The following EPHA4 variants were observed in gnomAD, a reference collection of about 807,000 sequenced individuals.
The protein encoded by EPHA4 is ephrin type-A receptor 4.
Under a neutral mutation model 108.3 loss-of-function variants are expected in EPHA4, and 19 were observed. The observed-to-expected ratio is 0.18, with a 90% confidence interval of 0.12 to 0.26. EPHA4 has a LOEUF of 0.26. EPHA4 is among the 10% of genes least tolerant of loss of function. The pLI is 1.00. For synonymous variants in EPHA4, 449 were observed against 455.5 expected (o/e 0.99, Z 0.18); for missense variants, 917 against 1,254.0 (o/e 0.73, Z 4.06).
Position 221,431,815 on chromosome 2 carries a change from A to T in EPHA4, c.2497-1664T>A, listed in dbSNP as rs375720902. Among the ~76,000 whole-genome samples, 7 of 152,336 alleles carry T rather than the reference A, an allele frequency of 4.6e-5. No homozygotes were observed. In the South Asian group the frequency reaches 1.0e-3, roughly 23 times the overall value. ...TTGGAAGATGGCTCATAGGTTAGCA[A>T]AGCATATTTTCTCAGTTTACTACTA... On this transcript the variant is annotated intron_variant, in intron 14 of 17. Transcript: ENST00000281821.
At chr2:221,500,894 G>A (rs1422273761) in intron 4 of EPHA4, 123 bp downstream of exon 4, 11 of 1,085,260 alleles carry the variant, frequency 1.0e-5, no homozygotes, top group Non-Finnish European at 1.4e-5. Flanking sequence ...ATTGAGAAAG[G>A]ATGAATGTTT....
chr2:221,539,299 T>C (rs1219622530), intron 3 of EPHA4, among the ~76,000 whole-genome samples: 1 of 152,152 alleles, frequency 6.6e-6, no homozygotes, highest in Non-Finnish European at 1.5e-5. Flanking sequence ...CAGAGAAAAA[T>C]TATTAATTTG....
At chr2:221,450,445 A>AG (rs1332430558) in intron 8 of EPHA4, among the ~76,000 whole-genome samples, 1 of 152,216 alleles carries the variant, frequency 6.6e-6, no homozygotes, top group Non-Finnish European at 1.5e-5. Context: ...CATCACTAGC[A>AG]GAGTCTTGAA....
At chr2:221,495,194 G>A (rs1221668203) in intron 4 of EPHA4, among the ~76,000 whole-genome samples, 1 of 152,170 alleles carries the variant, frequency 6.6e-6, no homozygotes, top group Non-Finnish European at 1.5e-5. Context: ...ACCCAGGCTG[G>A]ATTTTCTTCA....
chr2:221,554,274 A>C (rs1279344374), intron 3 of EPHA4, among the ~76,000 whole-genome samples: 1 of 152,226 alleles, frequency 6.6e-6, no homozygotes, highest in Non-Finnish European at 1.5e-5. Context: ...GCTCTTCCAC[A>C]TTTAGATGTT....
At chr2:221,572,912 G>A (rs7609106), upstream of EPHA4, 11,793 of 152,468 alleles carry the variant, frequency 0.077, 1,493 homozygotes, top group African/African-American at 0.27. Flanking sequence ...TGGCTCCCCA[G>A]ATGCCTGGAG....
At chr2:221,536,170 C>T (rs1037931588) in intron 3 of EPHA4, among the ~76,000 whole-genome samples, 4 of 152,150 alleles carry the variant, frequency 2.6e-5, no homozygotes, top group Non-Finnish European at 5.9e-5. Flanking sequence ...TAAGAGCTAC[C>T]GGGCACCCTG....
At chr2:221,522,754 T>C (rs1164329283) in intron 3 of EPHA4, among the ~76,000 whole-genome samples, 2 of 32,326 alleles carry the variant, frequency 6.2e-5, no homozygotes, top group Non-Finnish European at 1.1e-4. Flanking sequence ...TTATTATTAT[T>C]ATTATTATTA....
chr2:221,447,463 G>A (rs929291166), intron 8 of EPHA4, among the ~76,000 whole-genome samples: 1 of 152,156 alleles, frequency 6.6e-6, no homozygotes, highest in Admixed American at 6.5e-5. Context: ...GAGCCAGGCA[G>A]TGCAACCAGA....
At chr2:221,432,124 ATTG>A (rs1297482360) in intron 14 of EPHA4, among the ~76,000 whole-genome samples, 3 of 140,776 alleles carry the variant, frequency 2.1e-5, no homozygotes, top group African/African-American at 8.8e-5. Context: ...ATATATATAT[ATTG>A]TTTTTTTATA....
intron 4 of EPHA4, among the ~76,000 whole-genome samples, chr2:221,491,846 T>G (rs972988531): frequency 2.6e-5 from 4 of 151,956 alleles, no homozygotes; most frequent in Non-Finnish European, 5.9e-5. Flanking sequence ...AATCTAAATG[T>G]TGATAGCAAA....
intron 11 of EPHA4, 130 bp downstream of exon 11, chr2:221,442,699 G>T: frequency 1.1e-6 from 1 of 921,386 alleles, no homozygotes; most frequent in Non-Finnish European, 1.7e-6. Flanking sequence ...TTAATGACTT[G>T]TCCTGCACTG....
At chr2:221,452,540 C>T (rs1176348035) in intron 8 of EPHA4, among the ~76,000 whole-genome samples, 1 of 152,126 alleles carries the variant, frequency 6.6e-6, no homozygotes, top group Admixed American at 6.5e-5. Context: ...TGTGCATGAG[C>T]CGCTGCAAGC....
intron 11 of EPHA4, among the ~76,000 whole-genome samples, chr2:221,439,288 A>G (rs1221641964): frequency 6.6e-6 from 1 of 150,946 alleles, no homozygotes; most frequent in East Asian, 2.0e-4. Context: ...CTTAGTTCTC[A>G]GATTCATTTA....
intron 6 of EPHA4, 133 bp downstream of exon 6, chr2:221,457,733 A>T: frequency 2.1e-6 from 2 of 951,032 alleles, no homozygotes; most frequent in South Asian, 3.6e-5. Flanking sequence ...GCAAAGGAGG[A>T]TGGGAAGGAG....
chr2:221,563,628 C>A, intron 3 of EPHA4, 103 bp downstream of exon 3: 1 of 1,392,864 alleles, frequency 7.2e-7, no homozygotes, highest in Admixed American at 2.0e-5. Flanking sequence ...CACCACATCC[C>A]ACAGGGGCTA....
In EPHA4 at chr2:221,426,535, C is replaced by T; in HGVS notation, c.2775G>A (p.Met925Ile). The change falls in exon 16 of 18, where the codon ATG (methionine) becomes ATA (isoleucine). Residue 925 changes from methionine (M) to isoleucine (I), a missense_variant. By Grantham distance (10) the Met-to-Ile change is conservative. Around this residue, in one of 3 missense-constraint regions of EPHA4, gnomAD observed 133 missense variants for 132.8 expected, o/e 1.00. Coordinates refer to ENST00000281821, the MANE Select transcript of EPHA4 (RefSeq NM_004438.5). ...SVGDWLQAIK[M>I]DRYKDNFTAA... ...CTGTGAAGTTATCCTTATACCGGTC[C>T]ATTTTAATGGCCTGGAGCCAATCGC... 1.9e-6 allele frequency: 3 copies of T among 1,614,106 alleles called. No homozygotes were observed. Among genetic ancestry groups the T allele is most frequent in the Non-Finnish European group, 2.5e-6 (3 of 1,180,018 alleles).
intron 5 of EPHA4, among the ~76,000 whole-genome samples, chr2:221,475,767 A>G (rs900705929): frequency 4.6e-5 from 7 of 152,210 alleles, no homozygotes; most frequent in African/African-American, 1.7e-4. Context: ...AATGTCACAA[A>G]ATATTATTCT....
At chr2:221,427,780 A>G (rs1172927434) in intron 15 of EPHA4, among the ~76,000 whole-genome samples, 1 of 152,210 alleles carries the variant, frequency 6.6e-6, no homozygotes, top group Non-Finnish European at 1.5e-5. Context: ...AAGTCGATAT[A>G]ATGCTTTACT....
Sources: gnomAD v4.1 joint callset for allele counts (sites outside exome capture counted in the v4.1 genomes callset) on GRCh38, gnomAD v4.1.1 for gene constraint, gnomAD v4.1.1 regional missense constraint, MANE v1.5 for transcripts, NCBI Gene and HGNC (gene_info 2026-07-23, HGNC 2026-07-21) for gene names.